GLI2: variants seen among roughly 807,000 people sequenced by gnomAD.
GLI2 encodes transcription activator GLI2.
A neutral mutation model predicts 78.9 loss-of-function variants in GLI2; 22 were observed. The ratio of observed to expected loss-of-function variants is 0.28; its 90% CI spans 0.20 to 0.40. GLI2 has a LOEUF of 0.40. Among genes scored for constraint, GLI2 ranks in the 10% least tolerant of loss-of-function variants. The pLI is 1.00. For synonymous variants in GLI2, 974 were observed against 963.7 expected (o/e 1.01, Z -0.20); for missense variants, 2,097 against 2,213.2 (o/e 0.95, Z 1.05).
intron 2 of GLI2, among the ~76,000 whole-genome samples, chr2:120,881,725 G>GCGGCATCAT: frequency 9.4e-6 from 1 of 106,312 alleles, no homozygotes. Context: ...GGCAGGTGGG[G>GCGGCATCAT]GAGGACAGTG....
intron 4 of GLI2, 77 bp from the exon 5 acceptor site, chr2:120,955,153 CTTTTTTTTTTTTTTT>C (rs869202442): frequency 4.1e-5 from 6 of 147,088 alleles, no homozygotes; most frequent in African/African-American, 2.7e-4. Flanking sequence ...TTCTCTCTGC[CTTTTTTTTTTTTTTT>C]TTTTTTTTTT....
At chr2:120,829,302 T>C (rs1686243330) in intron 2 of GLI2, among the ~76,000 whole-genome samples, 1 of 152,206 alleles carries the variant, frequency 6.6e-6, no homozygotes, top group South Asian at 2.1e-4. Context: ...ACGATCTCTT[T>C]CCACATCATT....
intron 10 of GLI2, among the ~76,000 whole-genome samples, chr2:120,981,199 A>G (rs1279930329): frequency 6.6e-6 from 1 of 152,206 alleles, no homozygotes; most frequent in Non-Finnish European, 1.5e-5. Context: ...ATCTTTGTAC[A>G]TGGTATGAGG....
chr2:120,955,942 C>T (rs1333696214), intron 5 of GLI2, among the ~76,000 whole-genome samples: 1 of 149,910 alleles, frequency 6.7e-6, no homozygotes, highest in East Asian at 2.0e-4. Context: ...CCAGTGCTGG[C>T]AGTGAGGGGT....
intron 1 of GLI2, among the ~76,000 whole-genome samples, chr2:120,796,381 C>T (rs1368919802): frequency 3.3e-5 from 5 of 152,242 alleles, no homozygotes; most frequent in South Asian, 2.1e-4. Context: ...GCCTGCTCTC[C>T]GCACACAGCA....
intron 1 of GLI2, among the ~76,000 whole-genome samples, chr2:120,775,174 G>A (rs1349290212): frequency 6.6e-6 from 1 of 152,128 alleles, no homozygotes; most frequent in East Asian, 1.9e-4. Context: ...ACTAATTTAA[G>A]CTTTGTGTAG....
At chr2:120,781,895 G>GA (rs930622593) in intron 1 of GLI2, among the ~76,000 whole-genome samples, 3 of 149,158 alleles carry the variant, frequency 2.0e-5, no homozygotes, top group African/African-American at 7.6e-5. Context: ...AAAAAAAAAA[G>GA]AACATTACCA....
chr2:120,891,653 G>A (rs1677687076), intron 2 of GLI2, among the ~76,000 whole-genome samples: 1 of 152,120 alleles, frequency 6.6e-6, no homozygotes, highest in South Asian at 2.1e-4. Context: ...GCTTTCCCCT[G>A]GATGCTTATG....
At chr2:120,869,886 A>G (rs6729535) in intron 2 of GLI2, among the ~76,000 whole-genome samples, 29,391 of 151,892 alleles carry the variant, frequency 0.19, 3,515 homozygotes, top group Middle Eastern at 0.33. Flanking sequence ...CCTTCAGTCC[A>G]GGGAGTTCTT....
Position 120,796,507 on chromosome 2 carries a change from G to T in GLI2, c.-30-784G>T, listed in dbSNP as rs560377074. 2.0e-5 allele frequency among the ~76,000 whole-genome samples: 3 copies of T among 152,210 alleles called. No homozygotes were observed. In the South Asian group the frequency reaches 6.2e-4, roughly 32 times the overall value. ...AAAGAAGCCAGCCTCCTCCCACAAG[G>T]CCCCTGGCTCCTGGCTTTGCCCTCT... On this transcript the variant is annotated intron_variant, in intron 1 of 13. Coordinates refer to ENST00000361492, the MANE Select transcript of GLI2 (RefSeq NM_001374353.1).
chr2:120,801,805 G>A (rs985145432), intron 2 of GLI2, among the ~76,000 whole-genome samples: 9 of 152,230 alleles, frequency 5.9e-5, no homozygotes, highest in African/African-American at 2.2e-4. Flanking sequence ...TATTGTAGAT[G>A]AGACTGAGGC....
intron 2 of GLI2, among the ~76,000 whole-genome samples, chr2:120,818,658 C>T (rs532402211): frequency 7.2e-5 from 11 of 152,306 alleles, no homozygotes; most frequent in African/African-American, 2.6e-4. Flanking sequence ...GGGCCCCAGG[C>T]GTGTCTCTCC....
chr2:120,915,194 G>A (rs1363266255), intron 2 of GLI2, among the ~76,000 whole-genome samples: 1 of 152,104 alleles, frequency 6.6e-6, no homozygotes, highest in Non-Finnish European at 1.5e-5. Context: ...CAGCTAATTT[G>A]TCAAGTAACA....
intron 2 of GLI2, among the ~76,000 whole-genome samples, chr2:120,874,847 TG>T (rs1182665724): frequency 6.6e-6 from 1 of 152,156 alleles, no homozygotes; most frequent in East Asian, 1.9e-4. Flanking sequence ...ACTCGGTGCC[TG>T]GGAACCTCAG....
chr2:120,760,000 G>T (rs1432691228), intron 1 of GLI2, among the ~76,000 whole-genome samples: 1 of 152,262 alleles, frequency 6.6e-6, no homozygotes, highest in East Asian at 1.9e-4. Flanking sequence ...GTGTCCTCAG[G>T]TGAGAGCCCT....
chr2:120,874,100 G>A (rs1259857234), intron 2 of GLI2, among the ~76,000 whole-genome samples: 1 of 152,062 alleles, frequency 6.6e-6, no homozygotes, highest in Non-Finnish European at 1.5e-5. Flanking sequence ...GAGGCTCCCG[G>A]CTGCACACAG....
intron 1 of GLI2, among the ~76,000 whole-genome samples, chr2:120,763,245 A>G (rs1683270365): frequency 6.6e-6 from 1 of 152,184 alleles, no homozygotes; most frequent in Admixed American, 6.5e-5. Context: ...ACTGGCTCTC[A>G]GATCTGTGTG....
rs1683119644 is a variant in GLI2, at chr2:120,988,825, G to A, written c.2860G>A (p.Asp954Asn). ...APGGGARRAS[D>N]PVRRPDALSL... ...AGGCGGCGGAGCCAGGCGGGCCAGC[G>A]ACCCTGTGCGGCGGCCCGATGCCCT... The change falls in exon 14 of 14, where the codon GAC becomes AAC. Residue 954 changes from aspartate to asparagine, a missense_variant. Around this residue, in one of 5 missense-constraint regions of GLI2, gnomAD observed 1,290 missense variants for 1,261.7 expected, o/e 1.02. Coordinates refer to ENST00000361492, the MANE Select transcript of GLI2 (RefSeq NM_001374353.1). The A allele has an allele frequency of 1.4e-6, 2 of 1,449,624 alleles. No homozygotes were observed. The highest frequency in any genetic ancestry group is 1.8e-6 in the Non-Finnish European group (2 of 1,102,092). The allele number at this position is 1,449,624 out of a possible 1,614,324, so 89.8% of individuals were successfully genotyped here.
chr2:120,744,252 T>C (rs1489681967), intron 1 of GLI2, among the ~76,000 whole-genome samples: 1 of 152,216 alleles, frequency 6.6e-6, no homozygotes, highest in Admixed American at 6.5e-5. Context: ...TGCAGACAGC[T>C]GTGGGTTGTG....
Sources: gnomAD v4.1 joint callset for allele counts (sites outside exome capture counted in the v4.1 genomes callset) on GRCh38, gnomAD v4.1.1 for gene constraint, gnomAD v4.1.1 regional missense constraint, MANE v1.5 for transcripts, NCBI Gene and HGNC (gene_info 2026-07-23, HGNC 2026-07-21) for gene names.